The following CSMD1 variants were observed in gnomAD, a reference collection of about 807,000 sequenced individuals.
CSMD1 encodes the protein CUB and sushi domain-containing protein 1.
A neutral mutation model predicts 417.5 loss-of-function variants in CSMD1; 213 were observed. That is an observed-to-expected ratio of 0.51 (90% CI 0.46 to 0.57). CSMD1 has a LOEUF of 0.57. CSMD1 is among the 20% of genes least tolerant of loss of function. The pLI, the probability that CSMD1 is intolerant of heterozygous loss-of-function variation, is 0.00. For synonymous variants in CSMD1, 2,862 were observed against 1,736.8 expected, an observed-to-expected ratio of 1.65 and a Z score of -16.11; for missense variants, 6,923 against 4,529.7, an observed-to-expected ratio of 1.53 and a Z score of -15.17.
intron 7 of CSMD1, among the ~76,000 whole-genome samples, chr8:3,659,688 G>T (rs191124212): frequency 7.9e-5 from 12 of 151,694 alleles, no homozygotes; most frequent in Non-Finnish European, 1.5e-5. Flanking sequence ...TAACAATATG[G>T]GCTTTCCAAA....
At chr8:3,401,949 C>A (rs1036505434) in intron 15 of CSMD1, among the ~76,000 whole-genome samples, 3 of 143,062 alleles carry the variant, frequency 2.1e-5, no homozygotes, top group South Asian at 2.3e-4. Flanking sequence ...AAAGCAATTT[C>A]TTCTTTGCTT....
At chr8:3,539,672 C>T (rs1798355854) in intron 10 of CSMD1, among the ~76,000 whole-genome samples, 1 of 151,000 alleles carries the variant, frequency 6.6e-6, no homozygotes. Context: ...TTGTCACCCA[C>T]TAAGAACCAA....
chr8:4,866,239 T>C (rs1802412609), intron 1 of CSMD1, among the ~76,000 whole-genome samples: 1 of 151,928 alleles, frequency 6.6e-6, no homozygotes. Flanking sequence ...CCAGGCTCTC[T>C]TGAAATTCAC....
At chr8:4,574,397 A>T (rs1291206892) in intron 2 of CSMD1, among the ~76,000 whole-genome samples, 3 of 152,132 alleles carry the variant, frequency 2.0e-5, no homozygotes, top group African/African-American at 7.2e-5. Flanking sequence ...AGCCCCTTGC[A>T]CTTCCCCGGT....
intron 4 of CSMD1, among the ~76,000 whole-genome samples, chr8:4,015,758 G>C (rs953121458): frequency 2.6e-5 from 4 of 151,656 alleles, no homozygotes; most frequent in African/African-American, 7.3e-5. Context: ...ACATGTTTAG[G>C]TGAATACTTA....
intron 5 of CSMD1, among the ~76,000 whole-genome samples, chr8:3,810,612 G>C (rs948515685): frequency 2.6e-5 from 4 of 152,178 alleles, no homozygotes; most frequent in African/African-American, 7.2e-5. Context: ...CTTGTCACTG[G>C]TGACTCATTA....
intron 2 of CSMD1, among the ~76,000 whole-genome samples, chr8:4,562,000 A>G (rs1798363025): frequency 1.3e-5 from 2 of 152,240 alleles, no homozygotes; most frequent in African/African-American, 2.4e-5. Context: ...AAGCTTTAAA[A>G]TCACAGAAAA....
intron 3 of CSMD1, among the ~76,000 whole-genome samples, chr8:4,222,793 T>G (rs1801119514): frequency 6.6e-6 from 1 of 152,148 alleles, no homozygotes; most frequent in South Asian, 2.1e-4. Flanking sequence ...CATTAAGGGC[T>G]GGTTGAGCTG....
intron 4 of CSMD1, among the ~76,000 whole-genome samples, chr8:4,010,453 A>T (rs945868758): frequency 6.6e-6 from 1 of 152,032 alleles, no homozygotes; most frequent in Non-Finnish European, 1.5e-5. Flanking sequence ...TCCTGGGAAA[A>T]ACATAACCTC....
At chr8:4,609,965 G>T (rs975220533) in intron 2 of CSMD1, among the ~76,000 whole-genome samples, 3 of 151,892 alleles carry the variant, frequency 2.0e-5, no homozygotes, top group Non-Finnish European at 4.4e-5. Flanking sequence ...CTACCTAATT[G>T]GTAATTCCTT....
intron 6 of CSMD1, among the ~76,000 whole-genome samples, chr8:3,749,708 T>C (rs752052994): frequency 1.3e-5 from 2 of 152,202 alleles, no homozygotes; most frequent in Non-Finnish European, 2.9e-5. Flanking sequence ...TGATTTCATA[T>C]AAACGAATCA....
intron 23 of CSMD1, among the ~76,000 whole-genome samples, chr8:3,314,362 G>C (rs1039528852): frequency 6.6e-6 from 1 of 152,138 alleles, no homozygotes; most frequent in Non-Finnish European, 1.5e-5. Context: ...ACTTTTGACT[G>C]ATCAATTTTA....
chr8:4,377,021 G>A (rs1036879840), intron 3 of CSMD1, among the ~76,000 whole-genome samples: 2 of 152,238 alleles, frequency 1.3e-5, no homozygotes, highest in East Asian at 1.9e-4. Context: ...ACAGTGGCAA[G>A]TGGGATGGCC....
intron 3 of CSMD1, among the ~76,000 whole-genome samples, chr8:4,072,019 T>C (rs1167710708): frequency 6.6e-6 from 1 of 152,208 alleles, no homozygotes; most frequent in African/African-American, 2.4e-5. Context: ...GTGGTTTTGC[T>C]GGTTCAGAAA....
chr8:4,615,098 C>T (rs930419845), intron 2 of CSMD1, among the ~76,000 whole-genome samples: 4 of 152,100 alleles, frequency 2.6e-5, no homozygotes, highest in African/African-American at 9.7e-5. Flanking sequence ...TCTATTAGTA[C>T]CTCTGTAACT....
intron 41 of CSMD1, among the ~76,000 whole-genome samples, chr8:3,129,196 C>A (rs1443483016): frequency 6.6e-6 from 1 of 152,046 alleles, no homozygotes; most frequent in Admixed American, 6.5e-5. Context: ...TCTGCTATTG[C>A]AGGAGAAAAA....
At chr8:4,363,531 G>C (rs761616344) in intron 3 of CSMD1, among the ~76,000 whole-genome samples, 2 of 152,124 alleles carry the variant, frequency 1.3e-5, no homozygotes, top group African/African-American at 4.8e-5. Flanking sequence ...AGAAAGAAGA[G>C]CAATAACTCC....
rs552334061 is a variant in CSMD1 at position 3,452,185 on chromosome 8, A to G, written c.1561+16527T>C. 4.7e-3 allele frequency among the ~76,000 whole-genome samples: 722 copies of G among 152,300 alleles called. 11 individuals are homozygous for G. Among genetic ancestry groups the G allele is most frequent in the African/African-American group, 0.017 (691 of 41,564 alleles). Reference sequence around the variant, plus strand: ...TGATTTTGTATCCTGAGACTTTGCTAAAGTTGCTTATCAGCTTAAGGAGAT... The same window carrying G: ...TGATTTTGTATCCTGAGACTTTGCTGAAGTTGCTTATCAGCTTAAGGAGAT... On this transcript the variant is annotated intron_variant, in intron 12 of 69. Coordinates refer to ENST00000635120, the MANE Select transcript of CSMD1 (RefSeq NM_033225.6).
chr8:3,027,625 C>T (rs926742437), intron 51 of CSMD1, among the ~76,000 whole-genome samples: 9 of 152,160 alleles, frequency 5.9e-5, no homozygotes, highest in Non-Finnish European at 1.2e-4. Flanking sequence ...GTGCCCAGCC[C>T]GCAAGCAGCA....
Sources: allele counts gnomAD v4.1 joint callset (sites outside exome capture counted in the v4.1 genomes callset), GRCh38; gene constraint gnomAD v4.1.1; transcripts MANE v1.5; gene names NCBI Gene and HGNC (gene_info 2026-07-23, HGNC 2026-07-21).